PSMA5: variants seen among roughly 807,000 people sequenced by gnomAD.
PSMA5 encodes proteasome subunit alpha type-5.
In PSMA5, 3 loss-of-function variants were observed where a neutral mutation model predicts 34.5. That is an observed-to-expected ratio of 0.09 (90% CI 0.04 to 0.22). The LOEUF is 0.22. Among genes scored for constraint, PSMA5 ranks in the 10% least tolerant of loss-of-function variants. The pLI, the probability that PSMA5 is intolerant of heterozygous loss-of-function variation, is 1.00. For missense variants in PSMA5, 120 were observed against 286.1 expected (o/e 0.42, Z 4.19); for synonymous variants, 88 against 95.8 (o/e 0.92, Z 0.47).
intron 1 of PSMA5, among the ~76,000 whole-genome samples, chr1:109,423,744 C>A (rs569600193): frequency 6.6e-6 from 1 of 152,256 alleles, no homozygotes; most frequent in South Asian, 2.1e-4. Context: ...ATATCAATTC[C>A]TCCTCCACAG....
rs186400777 is a variant in PSMA5 at position 109,399,043 on chromosome 1, C to G, written c.*2970G>C. The G allele has an allele frequency of 6.6e-6, 1 of 152,114 alleles. No homozygotes were observed. The highest frequency in any genetic ancestry group is 1.5e-5 in the Non-Finnish European group (1 of 68,014). The allele number at this position is 152,114 out of a possible 1,614,324, so 9.4% of individuals were successfully genotyped here. A position where few individuals can be genotyped will look rare whatever the true frequency, so the allele number is the denominator to read the frequency against. ...AATATGCAAGTCATTACACTCAAAG[C>G]AAGTAAAGATTACTTTTAATTATAA... On this transcript the variant is annotated 3_prime_UTR_variant, in exon 9 of 9. Transcript: ENST00000271308.
At chr1:109,421,834 A>G in intron 2 of PSMA5, 26 bp downstream of exon 2, 2 of 1,535,824 alleles carry the variant, frequency 1.3e-6, no homozygotes, top group South Asian at 1.3e-5. Flanking sequence ...ATGAAATTTC[A>G]GGACCTATGC....
chr1:109,415,139 G>T, intron 3 of PSMA5, 98 bp downstream of exon 3: 1 of 1,377,164 alleles, frequency 7.3e-7, no homozygotes, highest in Non-Finnish European at 9.7e-7. Flanking sequence ...AGCTAACAAG[G>T]GGATAACGTG....
chr1:109,416,203 A>G (rs1654192754), intron 2 of PSMA5, among the ~76,000 whole-genome samples: 1 of 152,164 alleles, frequency 6.6e-6, no homozygotes, highest in South Asian at 2.1e-4. Context: ...ATGTATCTCT[A>G]ATGTTATAAC....
intron 1 of PSMA5, 44 bp from the exon 2 acceptor site, chr1:109,421,970 G>A: frequency 7.9e-7 from 1 of 1,269,090 alleles, no homozygotes; most frequent in Non-Finnish European, 1.1e-6. Context: ...ATAAAAACTA[G>A]CCATGTAGAC....
At chr1:109,421,131 G>A (rs1217291513) in intron 2 of PSMA5, among the ~76,000 whole-genome samples, 2 of 152,048 alleles carry the variant, frequency 1.3e-5, no homozygotes, top group Admixed American at 1.3e-4. Context: ...AAGCTGCAGT[G>A]AGCTAAGATG....
chr1:109,426,381 C>G lies in PSMA5; in HGVS notation c.-51G>C, dbSNP rs766310334. ...TACGCGGGGATTCTGAGGACCAACA[C>G]GACTCCACCGGCACCCAACTCACCG... On this transcript the variant is annotated 5_prime_UTR_variant, in exon 1 of 9. Transcript: ENST00000271308. 1 of 1,608,092 alleles carries G rather than the reference C, an allele frequency of 6.2e-7. No individual in the cohort carries two copies. The highest frequency in any genetic ancestry group is 1.1e-5 in the South Asian group (1 of 90,958).
intron 6 of PSMA5, 144 bp downstream of exon 6, chr1:109,411,733 C>A (rs11102979): frequency 9.5e-5 from 73 of 768,118 alleles, no homozygotes; most frequent in African/African-American, 6.1e-4. Context: ...TCAAGAGATC[C>A]TCCTGCCTTA....
chr1:109,419,506 A>G (rs1376073466), intron 2 of PSMA5, among the ~76,000 whole-genome samples: 2 of 152,116 alleles, frequency 1.3e-5, no homozygotes, highest in Non-Finnish European at 2.9e-5. Flanking sequence ...CGTCTCTACA[A>G]AAAATACAAA....
rs182414658 is a variant in PSMA5, at chr1:109,409,350, T to C, written c.648+578A>G. Among the ~76,000 whole-genome samples, 317 of 151,994 alleles carry C rather than the reference T, an allele frequency of 2.1e-3. 4 individuals are homozygous for C. Among genetic ancestry groups the C allele is most frequent in the East Asian group, 0.019 (97 of 5,140 alleles). The stretch of plus-strand genomic sequence containing the variant: ...ATTTGTATTTTTGGTAGAGTCGGGG[T>C]TTTGCCATGCTGGCCAGACTGGTCT... On this transcript the variant is annotated intron_variant, in intron 8 of 8. Coordinates refer to ENST00000271308, the MANE Select transcript of PSMA5 (RefSeq NM_002790.4).
chr1:109,403,206 C>G (rs1376708034), intron 8 of PSMA5, among the ~76,000 whole-genome samples: 1 of 152,214 alleles, frequency 6.6e-6, no homozygotes, highest in Non-Finnish European at 1.5e-5. Context: ...TTTCCATTCT[C>G]TCTGTTGATC....
At chr1:109,402,792 G>A (rs1175703767) in intron 8 of PSMA5, among the ~76,000 whole-genome samples, 2 of 152,068 alleles carry the variant, frequency 1.3e-5, no homozygotes, top group Admixed American at 6.6e-5. Flanking sequence ...CGCAACCTCC[G>A]CCTCCCGGGT....
chr1:109,411,818 C>T (rs938625145), intron 6 of PSMA5, 59 bp downstream of exon 6: 75 of 1,508,212 alleles, frequency 5.0e-5, no homozygotes, highest in Non-Finnish European at 6.5e-5. Flanking sequence ...TCAGTCTCCA[C>T]CCCAAATTAA....
intron 8 of PSMA5, among the ~76,000 whole-genome samples, chr1:109,409,308 C>T (rs1306512311): frequency 1.3e-5 from 2 of 152,152 alleles, no homozygotes; most frequent in Non-Finnish European, 2.9e-5. Flanking sequence ...AGGTGCGTGC[C>T]GCCACACCTG....
chr1:109,417,520 C>G (rs946383789), intron 2 of PSMA5, among the ~76,000 whole-genome samples: 16 of 152,218 alleles, frequency 1.1e-4, no homozygotes, highest in African/African-American at 1.9e-4. Context: ...GCACCTCCCC[C>G]ACTCCCGTGG....
intron 4 of PSMA5, 133 bp from the exon 5 acceptor site, chr1:109,412,317 AC>A: frequency 1.5e-6 from 1 of 688,910 alleles, no homozygotes. Context: ...ATTAACATTA[AC>A]CCTGAGTACT....
Position 109,409,036 on chromosome 1 carries a change from CTT to C in PSMA5, c.648+890_648+891del, listed in dbSNP as rs760960544. ...TTCATCTCCGTTTATATTTTCAAGA[CTT>C]TTCCACATCCTAAAAAAGACACAAT... On this transcript the variant is annotated intron_variant, in intron 8 of 8. Coordinates refer to ENST00000271308, the MANE Select transcript of PSMA5 (RefSeq NM_002790.4). Among the ~76,000 whole-genome samples, 4 of 152,180 alleles carry C rather than the reference CTT, an allele frequency of 2.6e-5. No individual in the cohort carries two copies. In the South Asian group the frequency reaches 8.3e-4, roughly 32 times the overall value.
At chr1:109,419,858 C>T (rs929059226) in intron 2 of PSMA5, among the ~76,000 whole-genome samples, 10 of 150,470 alleles carry the variant, frequency 6.6e-5, no homozygotes, top group South Asian at 4.2e-4. Flanking sequence ...GCTGTAGTCC[C>T]GGCTACTTTG....
chr1:109,409,602 CTA>C (rs1463502188), intron 8 of PSMA5, among the ~76,000 whole-genome samples: 1 of 152,166 alleles, frequency 6.6e-6, no homozygotes, highest in Non-Finnish European at 1.5e-5. Flanking sequence ...GCAATGCCAG[CTA>C]TGATATCTGA....
Sources: allele counts gnomAD v4.1 joint callset (sites outside exome capture counted in the v4.1 genomes callset), GRCh38; gene constraint gnomAD v4.1.1; transcripts MANE v1.5; gene names NCBI Gene and HGNC (gene_info 2026-07-23, HGNC 2026-07-21).